The following ERAP2 variants were observed in gnomAD, a reference collection of about 807,000 sequenced individuals.
ERAP2 encodes the protein leukocyte-derived arginine aminopeptidase.
A neutral mutation model predicts 111.1 loss-of-function variants in ERAP2; 118 were observed. The observed-to-expected ratio is 1.06, with a 90% CI of 0.92 to 1.24. ERAP2 has a LOEUF of 1.24. Among genes scored for constraint, ERAP2 ranks in the 50% most tolerant of loss-of-function variants. The pLI is 0.00. For synonymous variants in ERAP2, 410 were observed against 401.2 expected (o/e 1.02, Z -0.26); for missense variants, 1,131 against 1,125.8 (o/e 1.00, Z -0.07).
intron 4 of ERAP2, among the ~76,000 whole-genome samples, chr5:96,887,106 C>G (rs202058184): frequency 2.9e-5 from 1 of 34,780 alleles, no homozygotes; most frequent in East Asian, 9.4e-4. Context: ...TATATACACA[C>G]ACACACACAC....
In ERAP2 at chr5:96,883,877, T is replaced by A; in HGVS notation, c.661T>A (p.Ser221Thr). ...TGAACCGTTGTTCAAAGCCAACTTT[T>A]CAATCAAGATACGAAGAGAGAGCAG... ...FDEPLFKANFSIKIRRESRHI... is the reference protein window; with the variant it reads ...FDEPLFKANFTIKIRRESRHI... The change falls in exon 3 of 19, where the codon TCA becomes ACA. Residue 221 changes from serine (S) to threonine (T), a missense_variant. Physicochemically the swap from Ser to Thr is moderately conservative, Grantham distance 58. Around this residue, in one of 3 missense-constraint regions of ERAP2, gnomAD observed 847 missense variants for 856.5 expected, o/e 0.99. Transcript: ENST00000437043. 1 of 1,613,776 alleles carries A rather than the reference T, an allele frequency of 6.2e-7. No homozygotes were observed. Among genetic ancestry groups the A allele is most frequent in the Non-Finnish European group, 8.5e-7 (1 of 1,179,836 alleles).
intron 9 of ERAP2, among the ~76,000 whole-genome samples, chr5:96,897,761 T>G (rs931203810): frequency 1.3e-4 from 20 of 152,196 alleles, no homozygotes; most frequent in Admixed American, 4.6e-4. Flanking sequence ...TATAGAACCA[T>G]TAGACCCAGA....
In ERAP2 at chr5:96,903,256, C is replaced by T. The variant is rs900437678; in HGVS notation, c.1829-121C>T. The T allele has an allele frequency of 9.2e-5, 68 of 737,746 alleles. No homozygotes were observed. The East Asian group carries it at 1.8e-3, about 20-fold the overall frequency. The allele number at this position is 737,746 out of a possible 1,614,324, so 45.7% of individuals were successfully genotyped here. ...ACTACGAAAATGAATATCATTATGA[C>T]TCTCCCCAAACTTCATCTTCCCATT... On this transcript the variant is annotated intron_variant, in intron 12 of 18. Coordinates refer to ENST00000437043, the MANE Select transcript of ERAP2 (RefSeq NM_022350.5).
chr5:96,887,841 A>G (rs1783920718), intron 4 of ERAP2, among the ~76,000 whole-genome samples: 1 of 152,218 alleles, frequency 6.6e-6, no homozygotes, highest in South Asian at 2.1e-4. Context: ...AAAAATGGGC[A>G]TAGGCCGGGC....
intron 9 of ERAP2, among the ~76,000 whole-genome samples, chr5:96,898,457 A>C (rs919414498): frequency 2.0e-5 from 3 of 151,746 alleles, no homozygotes; most frequent in Non-Finnish European, 2.9e-5. Context: ...AAAAATACTT[A>C]TAGGCCTGGT....
intron 10 of ERAP2, 121 bp downstream of exon 10, chr5:96,900,310 A>T: frequency 2.1e-6 from 3 of 1,408,150 alleles, no homozygotes; most frequent in Non-Finnish European, 2.8e-6. Flanking sequence ...GAGAGCCCCC[A>T]CGATTTTCTC....
intron 18 of ERAP2, among the ~76,000 whole-genome samples, chr5:96,916,456 C>CTTTT (rs745860227): frequency 5.7e-4 from 56 of 97,634 alleles, no homozygotes; most frequent in African/African-American, 1.9e-3. Context: ...TTCTAGTTAT[C>CTTTT]TTTTTTTTTT....
intron 16 of ERAP2, 49 bp from the exon 17 acceptor site, chr5:96,913,268 A>C: frequency 6.7e-7 from 1 of 1,488,254 alleles, no homozygotes; most frequent in Non-Finnish European, 9.3e-7. Context: ...GTTAATGTCC[A>C]TGTACATAAT....
At chr5:96,903,706 A>G in intron 13 of ERAP2, 146 bp downstream of exon 13, 1 of 640,794 alleles carries the variant, frequency 1.6e-6, no homozygotes, top group Non-Finnish European at 2.5e-6. Context: ...GCCAAAGACT[A>G]CCCACTAATA....
intron 9 of ERAP2, among the ~76,000 whole-genome samples, chr5:96,899,164 C>A: frequency 6.6e-6 from 1 of 152,178 alleles, no homozygotes; most frequent in Non-Finnish European, 1.5e-5. Flanking sequence ...AGTGAGAAAA[C>A]TGATACTAAG....
At chr5:96,887,100 T>TATATACACAC (rs1478213165) in intron 4 of ERAP2, among the ~76,000 whole-genome samples, 2 of 137,456 alleles carry the variant, frequency 1.5e-5, no homozygotes, top group Admixed American at 7.2e-5. Context: ...TATATATATA[T>TATATACACAC]ACACACACAC....
At chr5:96,902,990 A>G (rs116486996) in intron 12 of ERAP2, among the ~76,000 whole-genome samples, 3,599 of 152,320 alleles carry the variant, frequency 0.024, 55 homozygotes, top group Non-Finnish European at 0.036. Context: ...AAATGAACAA[A>G]TGGATCACCT....
intron 4 of ERAP2, among the ~76,000 whole-genome samples, chr5:96,887,102 C>T (rs2911135): frequency 0.2 from 2,017 of 10,224 alleles, 20 homozygotes; most frequent in East Asian, 0.38. Context: ...TATATATATA[C>T]ACACACACAC....
chr5:96,900,779 C>T (rs1306930590), intron 10 of ERAP2, among the ~76,000 whole-genome samples: 1 of 152,140 alleles, frequency 6.6e-6, no homozygotes, highest in Admixed American at 6.5e-5. Flanking sequence ...CTGGTTCAAC[C>T]AATTCCTCTG....
At chr5:96,910,417 T>C (rs1786595269) in intron 15 of ERAP2, 1 of 152,110 alleles carries the variant, frequency 6.6e-6, no homozygotes, top group Non-Finnish European at 1.5e-5. Flanking sequence ...TTGGACTTTT[T>C]TTCCTTGTTG....
intron 13 of ERAP2, among the ~76,000 whole-genome samples, chr5:96,905,621 T>C (rs1033644363): frequency 6.6e-6 from 1 of 152,318 alleles, no homozygotes; most frequent in South Asian, 2.1e-4. Context: ...CAGTGGCTCA[T>C]GCCTGTAACC....
rs747947287 is a variant in ERAP2 at position 96,892,318 on chromosome 5, C to T, written c.990C>T (p.Asp330=). The change falls in exon 6 of 19, where the codon GAC becomes GAT. Residue 330 remains aspartate (D), a synonymous_variant. Transcript: ENST00000437043. ...TCTTAGATTTAATTGCTATTCCTGA[C>T]TTTGCACCTGGAGCCATGGAAAATT... ...LSKLDLIAIP[D]FAPGAMENWG... 3 of 1,613,922 alleles carry T rather than the reference C, an allele frequency of 1.9e-6. No homozygotes were observed. The Admixed American group carries it at 5.0e-5, about 27-fold the overall frequency.
At chr5:96,901,268 C>A (rs1050258069) in intron 10 of ERAP2, among the ~76,000 whole-genome samples, 1 of 152,116 alleles carries the variant, frequency 6.6e-6, no homozygotes, top group Non-Finnish European at 1.5e-5. Flanking sequence ...GCTTTTCCTG[C>A]CATGTATTCA....
rs1336963957 is a variant in ERAP2, at chr5:96,919,471, T to C, written c.*1866T>C. The C allele has an allele frequency of 2.0e-5, 3 of 152,354 alleles. No homozygotes were observed. In the East Asian group the frequency reaches 5.6e-4, roughly 29 times the overall value. 9.4% of individuals were successfully genotyped at this position (152,354 alleles called of 1,614,324 possible). ...TCAACAAGACCATATGTAAATTAAA[T>C]AGTGAAATGTGTATGAGTTTCAGTA... On this transcript the variant is annotated 3_prime_UTR_variant, in exon 19 of 19. Coordinates refer to ENST00000437043, the MANE Select transcript of ERAP2 (RefSeq NM_022350.5).
Sources: gnomAD v4.1 joint callset for allele counts (sites outside exome capture counted in the v4.1 genomes callset) on GRCh38, gnomAD v4.1.1 for gene constraint, gnomAD v4.1.1 regional missense constraint, MANE v1.5 for transcripts, NCBI Gene and HGNC (gene_info 2026-07-23, HGNC 2026-07-21) for gene names.